Variants in LRRC7 observed in about 807,000 individuals in gnomAD.
LRRC7 encodes leucine rich repeat containing 7.
In LRRC7, 23 loss-of-function variants were observed where a neutral mutation model predicts 175.7. The ratio of observed to expected loss-of-function variants is 0.13; its 90% CI spans 0.09 to 0.19. The LOEUF is 0.19. LRRC7 is among the 10% of genes least tolerant of loss of function. LRRC7 has a pLI of 1.00. For missense variants in LRRC7, 1,354 were observed against 1,904.7 expected (o/e 0.71, Z 5.38); for synonymous variants, 685 against 680.9 (o/e 1.01, Z -0.09).
At chr1:69,779,496 G>T (rs1162380683) in intron 3 of LRRC7, among the ~76,000 whole-genome samples, 2 of 152,192 alleles carry the variant, frequency 1.3e-5, no homozygotes, top group Non-Finnish European at 2.9e-5. Context: ...AATTATTATT[G>T]AATACAGTAG....
At chr1:69,729,187 T>C (rs1202040115) in intron 2 of LRRC7, among the ~76,000 whole-genome samples, 1 of 152,150 alleles carries the variant, frequency 6.6e-6, no homozygotes, top group Admixed American at 6.6e-5. Context: ...AAATTCAATA[T>C]GAGATTTGGG....
At chr1:69,886,530 T>G (rs962478503) in intron 7 of LRRC7, among the ~76,000 whole-genome samples, 16 of 152,044 alleles carry the variant, frequency 1.1e-4, no homozygotes, top group African/African-American at 3.4e-4. Flanking sequence ...TGAGATGGGT[T>G]TCCTGAATAC....
intron 8 of LRRC7, among the ~76,000 whole-genome samples, chr1:69,944,950 C>T (rs1446870938): frequency 1.3e-5 from 2 of 152,010 alleles, no homozygotes; most frequent in African/African-American, 2.4e-5. Flanking sequence ...TTCTCCCATT[C>T]CATATGTTGT....
intron 1 of LRRC7, among the ~76,000 whole-genome samples, chr1:69,615,940 C>T (rs1043289200): frequency 1.3e-5 from 2 of 151,932 alleles, no homozygotes; most frequent in African/African-American, 4.8e-5. Flanking sequence ...TTTGCTCCTT[C>T]GGGGCTGGTC....
At chr1:69,824,585 G>GT (rs926165673) in intron 4 of LRRC7, among the ~76,000 whole-genome samples, 27 of 152,008 alleles carry the variant, frequency 1.8e-4, no homozygotes, top group African/African-American at 6.5e-4. Flanking sequence ...GTACCCCTTT[G>GT]TACCCCTATT....
intron 3 of LRRC7, among the ~76,000 whole-genome samples, chr1:69,770,859 T>C (rs1305859700): frequency 6.6e-6 from 1 of 152,198 alleles, no homozygotes; most frequent in East Asian, 1.9e-4. Context: ...CCTTTTAAAA[T>C]GTCTCACTTT....
chr1:70,043,946 C>T lies in LRRC7; in HGVS notation c.3970-8C>T. ...ACACCCTGTCACATGATTATTTCCT[C>T]TACTCAGAATGCTGCTTACAAACAC... On this transcript the variant is annotated splice_polypyrimidine_tract_variant and splice_region_variant and intron_variant, in intron 21 of 26. Transcript: ENST00000651989. 6.3e-7 allele frequency: 1 copy of T among 1,597,694 alleles called. No individual in the cohort carries two copies. The highest frequency in any genetic ancestry group is 8.6e-7 in the Non-Finnish European group (1 of 1,167,484).
chr1:70,141,057 T>C lies in LRRC7; in HGVS notation c.*19170T>C, dbSNP rs1029894306. On this transcript the variant is annotated 3_prime_UTR_variant, in exon 27 of 27. Transcript: ENST00000651989. ...AACACTCAAGCAGATTTTCCTCTAA[T>C]GAGTAGTTAAGTGGCACAGGAGGAG... Among the ~76,000 whole-genome samples, 2 of 152,034 alleles carry C rather than the reference T, an allele frequency of 1.3e-5. No homozygotes were observed. The highest frequency in any genetic ancestry group is 6.6e-5 in the Admixed American group (1 of 15,252).
chr1:69,892,921 A>C (rs1645878109), intron 7 of LRRC7, among the ~76,000 whole-genome samples: 1 of 152,192 alleles, frequency 6.6e-6, no homozygotes, highest in Non-Finnish European at 1.5e-5. Context: ...AAGAAATCAA[A>C]TTACTTATGC....
intron 2 of LRRC7, among the ~76,000 whole-genome samples, chr1:69,716,371 A>T (rs1455028567): frequency 1.3e-5 from 2 of 151,900 alleles, no homozygotes; most frequent in Admixed American, 6.6e-5. Context: ...AATAATTAGG[A>T]AGAAACATGG....
At chr1:69,860,594 G>T (rs1220146173) in intron 7 of LRRC7, among the ~76,000 whole-genome samples, 1 of 151,200 alleles carries the variant, frequency 6.6e-6, no homozygotes, top group Non-Finnish European at 1.5e-5. Flanking sequence ...TTTATAAGAT[G>T]ATTGGAAATA....
At chr1:69,579,157 T>C (rs1368510230) in intron 1 of LRRC7, among the ~76,000 whole-genome samples, 1 of 152,058 alleles carries the variant, frequency 6.6e-6, no homozygotes, top group Non-Finnish European at 1.5e-5. Context: ...TAAAATGTAA[T>C]GTGATAGCTT....
intron 3 of LRRC7, among the ~76,000 whole-genome samples, chr1:69,785,857 T>C (rs1367981980): frequency 6.6e-6 from 1 of 152,302 alleles, no homozygotes; most frequent in South Asian, 2.1e-4. Flanking sequence ...ACTACCTCAC[T>C]CATTTTATTT....
chr1:69,654,275 A>C (rs781124693), intron 1 of LRRC7, among the ~76,000 whole-genome samples: 3 of 152,066 alleles, frequency 2.0e-5, no homozygotes, highest in Non-Finnish European at 4.4e-5. Context: ...CTTAAAACCT[A>C]TGTCATTGGT....
chr1:69,718,882 T>C (rs996733096), intron 2 of LRRC7, among the ~76,000 whole-genome samples: 17 of 151,872 alleles, frequency 1.1e-4, no homozygotes, highest in African/African-American at 3.9e-4. Context: ...TAGTCAGTAA[T>C]TGGGAGCCCC....
intron 8 of LRRC7, among the ~76,000 whole-genome samples, chr1:69,958,728 A>G (rs767847596): frequency 6.6e-6 from 1 of 152,088 alleles, no homozygotes; most frequent in African/African-American, 2.4e-5. Context: ...CGCAAAACAC[A>G]TAAATGTATT....
At chr1:69,787,063 C>G (rs1185723671) in intron 3 of LRRC7, among the ~76,000 whole-genome samples, 2 of 152,202 alleles carry the variant, frequency 1.3e-5, no homozygotes, top group Non-Finnish European at 2.9e-5. Flanking sequence ...TACAGCCATT[C>G]CAAATAGAAG....
intron 1 of LRRC7, among the ~76,000 whole-genome samples, chr1:69,654,747 T>C (rs1656363445): frequency 6.6e-6 from 1 of 152,134 alleles, no homozygotes; most frequent in South Asian, 2.1e-4. Context: ...ATTATCTTTC[T>C]TCAAACAAGT....
intron 7 of LRRC7, among the ~76,000 whole-genome samples, chr1:69,897,704 C>T (rs988188677): frequency 2.0e-5 from 3 of 152,180 alleles, no homozygotes; most frequent in African/African-American, 4.8e-5. Context: ...CTAGCAGAAT[C>T]ATTTTCTGCT....
Sources: allele counts gnomAD v4.1 joint callset (sites outside exome capture counted in the v4.1 genomes callset), GRCh38; gene constraint gnomAD v4.1.1; transcripts MANE v1.5; gene names NCBI Gene and HGNC (gene_info 2026-07-23, HGNC 2026-07-21).